CASS4: variants seen among roughly 807,000 people sequenced by gnomAD.
The protein encoded by CASS4 is cas scaffolding protein family member 4.
In CASS4, 22 loss-of-function variants were observed where a neutral mutation model predicts 54.2. The observed-to-expected ratio is 0.41, with a 90% CI of 0.29 to 0.58. The LOEUF (loss-of-function observed/expected upper bound fraction) is 0.58, where lower values mean the gene tolerates loss of function less well. Among genes scored for constraint, CASS4 ranks in the 20% least tolerant of loss-of-function variants. CASS4 has a pLI of 0.36. For missense variants in CASS4, 854 were observed against 986.7 expected, an observed-to-expected ratio of 0.87 and a Z score of 1.80; for synonymous variants, 409 against 391.5, an observed-to-expected ratio of 1.04 and a Z score of -0.53.
At chr20:56,431,489 A>G (rs1405739520) in intron 1 of CASS4, among the ~76,000 whole-genome samples, 1 of 152,238 alleles carries the variant, frequency 6.6e-6, no homozygotes, top group African/African-American at 2.4e-5. Context: ...CAACATATTT[A>G]GAGTTTTCCT....
intron 1 of CASS4, among the ~76,000 whole-genome samples, chr20:56,415,945 G>A (rs971429679): frequency 2.6e-5 from 4 of 152,238 alleles, no homozygotes; most frequent in African/African-American, 9.6e-5. Flanking sequence ...TGATATTAGT[G>A]ATAGGAAACA....
chr20:56,432,016 A>G (rs1363263289), intron 1 of CASS4, among the ~76,000 whole-genome samples: 23 of 152,212 alleles, frequency 1.5e-4, no homozygotes, highest in Admixed American at 1.5e-3. Flanking sequence ...ATTTTAATCA[A>G]TTTTGATCAA....
At chr20:56,441,376 G>A (rs916496232) in intron 2 of CASS4, among the ~76,000 whole-genome samples, 4 of 151,406 alleles carry the variant, frequency 2.6e-5, no homozygotes, top group South Asian at 2.1e-4. Context: ...AGGCCAAGGC[G>A]GGTGGATCAC....
At chr20:56,429,946 G>T (rs6069740) in intron 1 of CASS4, among the ~76,000 whole-genome samples, 26 of 151,936 alleles carry the variant, frequency 1.7e-4, no homozygotes, top group Non-Finnish European at 3.2e-4. Flanking sequence ...ACAAGAGATG[G>T]AAACCCTGTA....
chr20:56,422,893 G>C (rs956667603), intron 1 of CASS4, among the ~76,000 whole-genome samples: 1 of 152,138 alleles, frequency 6.6e-6, no homozygotes, highest in Non-Finnish European at 1.5e-5. Flanking sequence ...AGTTCACCCG[G>C]TTCATTCACT....
At chr20:56,426,764 G>A (rs940995455) in intron 1 of CASS4, among the ~76,000 whole-genome samples, 4 of 152,002 alleles carry the variant, frequency 2.6e-5, no homozygotes, top group African/African-American at 7.3e-5. Flanking sequence ...TTTTGGTAGA[G>A]ATGAGGTTTC....
At chr20:56,431,818 C>T (rs926882775) in intron 1 of CASS4, among the ~76,000 whole-genome samples, 6 of 152,146 alleles carry the variant, frequency 3.9e-5, no homozygotes, top group Admixed American at 1.3e-4. Flanking sequence ...TTCAGATGAT[C>T]GGTTTTTAAA....
At chr20:56,448,141 C>CA (rs11470665) in intron 3 of CASS4, among the ~76,000 whole-genome samples, 249 of 109,694 alleles carry the variant, frequency 2.3e-3, no homozygotes, top group African/African-American at 3.6e-3. Flanking sequence ...GACTCTGTCT[C>CA]AAAAAAAAAA....
At chr20:56,416,124 A>G (rs1034792881) in intron 1 of CASS4, among the ~76,000 whole-genome samples, 11 of 152,288 alleles carry the variant, frequency 7.2e-5, no homozygotes, top group Admixed American at 1.3e-4. Flanking sequence ...ATCTTGGCTC[A>G]CTGCAACCTC....
At position 56,437,028 on chromosome 20, in the gene CASS4, G is replaced by A; in HGVS notation, c.37-136G>A. The A allele has an allele frequency of 3.8e-6, 3 of 782,164 alleles. No individual in the cohort carries two copies. Among genetic ancestry groups the A allele is most frequent in the Non-Finnish European group, 6.0e-6 (3 of 496,832 alleles). The allele number at this position is 782,164 out of a possible 1,614,324, so 48.5% of individuals were successfully genotyped here. Reference sequence around the variant, plus strand: ...GGAACAAATCAAAGAGCAGGGACAAGAGCCTCTGGGGTGGAAGAAATGAAA... The same window carrying A: ...GGAACAAATCAAAGAGCAGGGACAAAAGCCTCTGGGGTGGAAGAAATGAAA... On this transcript the variant is annotated intron_variant, in intron 1 of 5. Coordinates refer to ENST00000679887, the MANE Select transcript of CASS4 (RefSeq NM_020356.4). This position sits in a 1 kb window ranked among gnomAD's most constrained non-coding sequence, Gnocchi z 4.7.
intron 1 of CASS4, among the ~76,000 whole-genome samples, chr20:56,426,937 G>A (rs1979667189): frequency 6.6e-6 from 1 of 152,128 alleles, no homozygotes. Flanking sequence ...CACACACAGT[G>A]TGTGAGAAGT....
At chr20:56,444,837 G>A (rs887924815) in intron 2 of CASS4, among the ~76,000 whole-genome samples, 8 of 152,166 alleles carry the variant, frequency 5.3e-5, no homozygotes, top group South Asian at 2.1e-4. Context: ...GGGGCCAGGC[G>A]CGGTGGCTCA....
chr20:56,445,116 A>C (rs541534141), intron 2 of CASS4, among the ~76,000 whole-genome samples: 26 of 152,262 alleles, frequency 1.7e-4, no homozygotes, highest in Middle Eastern at 3.4e-3. Context: ...ATCTCAAAAA[A>C]AAAAAAGGTT....
chr20:56,453,231 G>C, intron 5 of CASS4, 102 bp downstream of exon 5: 1 of 769,206 alleles, frequency 1.3e-6, no homozygotes, highest in Non-Finnish European at 2.0e-6. Context: ...ATAGGCTTTG[G>C]GGAGACACTG....
intron 1 of CASS4, among the ~76,000 whole-genome samples, chr20:56,416,181 C>G (rs139616154): frequency 1.2e-3 from 187 of 152,310 alleles, no homozygotes; most frequent in African/African-American, 4.4e-3. Context: ...TCCCAAGTAG[C>G]TGGGATTACA....
At chr20:56,432,524 C>T (rs555130926) in intron 1 of CASS4, among the ~76,000 whole-genome samples, 4 of 151,968 alleles carry the variant, frequency 2.6e-5, no homozygotes, top group African/African-American at 7.2e-5. Context: ...TGCACCACCA[C>T]GCTGGACAAT....
intron 2 of CASS4, among the ~76,000 whole-genome samples, chr20:56,443,486 T>G (rs1270197098): frequency 8.6e-6 from 1 of 116,708 alleles, no homozygotes; most frequent in Non-Finnish European, 1.8e-5. Context: ...AAAAAGAAGC[T>G]TGGATTTCAT....
chr20:56,447,938 G>A (rs1980802820), intron 3 of CASS4, among the ~76,000 whole-genome samples: 1 of 152,100 alleles, frequency 6.6e-6, no homozygotes, highest in African/African-American at 2.4e-5. Context: ...GTCAGGAGGT[G>A]GAGACCACCC....
At chr20:56,427,194 CCT>C (rs1979680069) in intron 1 of CASS4, among the ~76,000 whole-genome samples, 1 of 149,822 alleles carries the variant, frequency 6.7e-6, no homozygotes, top group African/African-American at 2.5e-5. Context: ...AAAAAAAAAC[CCT>C]CTGTCACCCT....
Sources: gnomAD v4.1 joint callset for allele counts (sites outside exome capture counted in the v4.1 genomes callset) on GRCh38, gnomAD v4.1.1 for gene constraint, Gnocchi (gnomAD v3.1) non-coding constraint, MANE v1.5 for transcripts, NCBI Gene and HGNC (gene_info 2026-07-23, HGNC 2026-07-21) for gene names.